ERBB4: variants seen among roughly 807,000 people sequenced by gnomAD.
ERBB4 encodes erb-b2 receptor tyrosine kinase 4.
In ERBB4, 42 loss-of-function variants were observed where a neutral mutation model predicts 158.0. The ratio of observed to expected loss-of-function variants is 0.27; its 90% CI spans 0.21 to 0.34. The LOEUF (loss-of-function observed/expected upper bound fraction) is 0.34. ERBB4 is among the 10% of genes least tolerant of loss of function. The probability of loss-of-function intolerance (pLI) is 1.00; values close to 1 mark genes in which losing one functional copy is unlikely to be tolerated. For missense variants in ERBB4, 1,333 were observed against 1,624.1 expected (o/e 0.82, Z 3.08); for synonymous variants, 583 against 558.7 (o/e 1.04, Z -0.61).
intron 19 of ERBB4, among the ~76,000 whole-genome samples, chr2:211,596,907 C>T (rs558876329): frequency 5.9e-5 from 9 of 152,104 alleles, no homozygotes; most frequent in Middle Eastern, 3.4e-3. Context: ...TGGAATTACA[C>T]GTGCCTGCCA....
intron 3 of ERBB4, among the ~76,000 whole-genome samples, chr2:211,792,774 G>T (rs2076304252): frequency 6.6e-6 from 1 of 151,904 alleles, no homozygotes; most frequent in Admixed American, 6.6e-5. Flanking sequence ...ACTCCACAAA[G>T]GTTAACCATT....
In ERBB4 at chr2:212,112,276, A is replaced by C. The variant is rs542709253; in HGVS notation, c.234+12476T>G. Among the ~76,000 whole-genome samples, 13 of 151,874 alleles carry C rather than the reference A, an allele frequency of 8.6e-5. 1 individual carries two copies. In the East Asian group the frequency reaches 2.5e-3, roughly 30 times the overall value. On this transcript the variant is annotated intron_variant, in intron 2 of 27. Transcript: ENST00000342788. ...TCTCTGTTTAATTCTTTTGACTATA[A>C]AACCTGAATAGCAAAGGAGGTGAAT...
At chr2:211,631,227 T>C (rs2070115665) in intron 16 of ERBB4, among the ~76,000 whole-genome samples, 1 of 152,120 alleles carries the variant, frequency 6.6e-6, no homozygotes, top group African/African-American at 2.4e-5. Flanking sequence ...AGCACTGCTC[T>C]AATGCAAAAA....
Position 212,260,379 on chromosome 2 carries a change from G to C in ERBB4, c.83-135476C>G, listed in dbSNP as rs1247556782. 2.0e-5 allele frequency among the ~76,000 whole-genome samples: 3 copies of C among 152,148 alleles called. No homozygotes were observed. The East Asian group carries it at 5.8e-4, about 29-fold the overall frequency. The stretch of plus-strand genomic sequence containing the variant: ...TTAGGTTGTATACTTGATTACTGGA[G>C]TTAAGAAAAATATTATGACCAAAGT... On this transcript the variant is annotated intron_variant, in intron 1 of 27. Transcript: ENST00000342788.
At chr2:211,668,287 T>C (rs962902932) in intron 14 of ERBB4, among the ~76,000 whole-genome samples, 1 of 152,326 alleles carries the variant, frequency 6.6e-6, no homozygotes, top group Middle Eastern at 3.4e-3. Context: ...GAAAACCTAA[T>C]GTCCCAGGCT....
At chr2:211,981,850 C>A (rs2081807461) in intron 2 of ERBB4, among the ~76,000 whole-genome samples, 1 of 152,176 alleles carries the variant, frequency 6.6e-6, no homozygotes, top group Non-Finnish European at 1.5e-5. Flanking sequence ...GCCTGAATTT[C>A]TACTTTGTAA....
At chr2:212,419,900 T>C (rs1214227436) in intron 1 of ERBB4, among the ~76,000 whole-genome samples, 1 of 151,992 alleles carries the variant, frequency 6.6e-6, no homozygotes, top group Non-Finnish European at 1.5e-5. Flanking sequence ...TATTTTCTAC[T>C]TTAAAATATA....
chr2:212,068,296 C>G (rs1040468011), intron 2 of ERBB4, among the ~76,000 whole-genome samples: 5 of 151,984 alleles, frequency 3.3e-5, no homozygotes, highest in African/African-American at 1.2e-4. Flanking sequence ...TACTGATGCT[C>G]TAAGTGCTGG....
intron 25 of ERBB4, among the ~76,000 whole-genome samples, chr2:211,419,898 T>A (rs2063478785): frequency 6.6e-6 from 1 of 152,090 alleles, no homozygotes; most frequent in Non-Finnish European, 1.5e-5. Context: ...TTAAATCTAC[T>A]TCTTAAAAAC....
intron 1 of ERBB4, among the ~76,000 whole-genome samples, chr2:212,305,911 A>G (rs1028852933): frequency 6.6e-6 from 1 of 151,382 alleles, no homozygotes; most frequent in African/African-American, 2.4e-5. Context: ...ATATGATTGT[A>G]AAAATAGCCT....
At chr2:211,908,457 C>T (rs893609811) in intron 3 of ERBB4, among the ~76,000 whole-genome samples, 1 of 151,574 alleles carries the variant, frequency 6.6e-6, no homozygotes, top group African/African-American at 2.4e-5. Context: ...GCTCATAAAA[C>T]CTTACTTAAT....
chr2:211,615,045 C>CA (rs1194562640), intron 19 of ERBB4, among the ~76,000 whole-genome samples: 1 of 151,938 alleles, frequency 6.6e-6, no homozygotes, highest in South Asian at 2.1e-4. Context: ...AAACAAAAGC[C>CA]AAAAAAATTC....
Position 211,772,949 on chromosome 2 carries a change from A to T in ERBB4, c.556+15076T>A, listed in dbSNP as rs1409806114. On this transcript the variant is annotated intron_variant, in intron 4 of 27. Coordinates refer to ENST00000342788, the MANE Select transcript of ERBB4 (RefSeq NM_005235.3). ...CATATATATATATATATATATATAT[A>T]TATATATTTTTTTTTTTAAAGATGG... Among the ~76,000 whole-genome samples the T allele has an allele frequency of 9.8e-3, 736 of 74,962 alleles. 51 individuals carry two copies. The highest frequency in any genetic ancestry group is 0.046 in the African/African-American group (604 of 13,198). The allele number at this position is 74,962 out of a possible 152,430, so 49.2% of individuals were successfully genotyped here.
intron 19 of ERBB4, among the ~76,000 whole-genome samples, chr2:211,587,217 G>T (rs549000134): frequency 6.6e-6 from 1 of 151,714 alleles, no homozygotes; most frequent in Admixed American, 6.6e-5. Flanking sequence ...ATAGCCAGGC[G>T]TGGTGGCGAG....
chr2:212,179,546 C>A (rs1173828532), intron 1 of ERBB4, among the ~76,000 whole-genome samples: 3 of 151,444 alleles, frequency 2.0e-5, no homozygotes, highest in African/African-American at 7.3e-5. Context: ...GAAAAGATTA[C>A]CATGGGTTGT....
chr2:212,329,171 T>A (rs529672779), intron 1 of ERBB4, among the ~76,000 whole-genome samples: 2 of 151,948 alleles, frequency 1.3e-5, no homozygotes, highest in Non-Finnish European at 2.9e-5. Context: ...AGTAACTCAG[T>A]GTCATGTGAG....
intron 2 of ERBB4, among the ~76,000 whole-genome samples, chr2:212,019,092 C>T (rs1323289212): frequency 2.0e-5 from 3 of 151,962 alleles, no homozygotes; most frequent in Non-Finnish European, 4.4e-5. Context: ...AGGTCATCCT[C>T]CCGAAGCACA....
At chr2:211,771,842 C>T (rs2075699396) in intron 4 of ERBB4, among the ~76,000 whole-genome samples, 2 of 152,142 alleles carry the variant, frequency 1.3e-5, no homozygotes, top group Middle Eastern at 3.4e-3. Flanking sequence ...TGATAAGCAA[C>T]GGAACTGGCC....
At chr2:211,390,372 G>T (rs1222858152) in intron 25 of ERBB4, among the ~76,000 whole-genome samples, 2 of 152,164 alleles carry the variant, frequency 1.3e-5, no homozygotes, top group Non-Finnish European at 2.9e-5. Flanking sequence ...CAAGTCTATG[G>T]TTATATATTA....
Sources: allele counts gnomAD v4.1 joint callset (sites outside exome capture counted in the v4.1 genomes callset), GRCh38; gene constraint gnomAD v4.1.1; transcripts MANE v1.5; gene names NCBI Gene and HGNC (gene_info 2026-07-23, HGNC 2026-07-21).